The following PLCE1 variants were observed in gnomAD, a reference collection of about 807,000 sequenced individuals.
PLCE1 encodes phospholipase C epsilon 1.
A neutral mutation model predicts 242.8 loss-of-function variants in PLCE1; 119 were observed. That is an observed-to-expected ratio of 0.49 (90% CI 0.42 to 0.57). The LOEUF (loss-of-function observed/expected upper bound fraction) is 0.57, where lower values mean the gene tolerates loss of function less well. Among genes scored for constraint, PLCE1 ranks in the 20% least tolerant of loss-of-function variants. The probability of loss-of-function intolerance (pLI) is 0.00; values close to 1 mark genes in which losing one functional copy is unlikely to be tolerated. For synonymous variants in PLCE1, 945 were observed against 1,017.4 expected, an observed-to-expected ratio of 0.93 and a Z score of 1.35; for missense variants, 2,441 against 2,788.8, an observed-to-expected ratio of 0.88 and a Z score of 2.81.
chr10:94,302,186 C>T (rs190327493), intron 24 of PLCE1, among the ~76,000 whole-genome samples: 43 of 152,246 alleles, frequency 2.8e-4, no homozygotes, highest in Non-Finnish European at 1.0e-4. Flanking sequence ...AACCGTGCGG[C>T]TCTACGTGGA....
intron 2 of PLCE1, among the ~76,000 whole-genome samples, chr10:94,121,940 G>A (rs1023861853): frequency 2.6e-5 from 4 of 152,180 alleles, no homozygotes; most frequent in African/African-American, 9.7e-5. Context: ...ATTTCCAGCT[G>A]GGCAGAGAGA....
intron 24 of PLCE1, among the ~76,000 whole-genome samples, chr10:94,301,335 T>C (rs2053031054): frequency 6.6e-6 from 1 of 150,796 alleles, no homozygotes; most frequent in Non-Finnish European, 1.5e-5. Context: ...CAAAGTGAGA[T>C]ACTATCTCAA....
chr10:94,189,721 T>C (rs1209979572), intron 4 of PLCE1, among the ~76,000 whole-genome samples: 1 of 152,144 alleles, frequency 6.6e-6, no homozygotes, highest in East Asian at 1.9e-4. Context: ...ATTCAGTGAC[T>C]GTTCACATAG....
chr10:94,331,358 A>G lies in PLCE1; in HGVS notation c.*3415A>G, dbSNP rs1034585541. On this transcript the variant is annotated 3_prime_UTR_variant, in exon 33 of 33. Transcript: ENST00000371380. ...CCTTCCTTTCTTCTCTCCTCTTCCA[A>G]TATCTCTATAGACTTCTGTCCTCTG... is the stretch of plus-strand genomic sequence containing the variant. The G allele has an allele frequency of 2.0e-5, 3 of 152,154 alleles. No homozygotes were observed. Among genetic ancestry groups the G allele is most frequent in the African/African-American group, 4.8e-5 (2 of 41,416 alleles). The allele number at this position is 152,154 out of a possible 1,614,324, so 9.4% of individuals were successfully genotyped here.
At chr10:94,027,314 G>A (rs1311736187) in intron 1 of PLCE1, among the ~76,000 whole-genome samples, 1 of 152,152 alleles carries the variant, frequency 6.6e-6, no homozygotes, top group Non-Finnish European at 1.5e-5. Context: ...GGAAATCCAG[G>A]ACAAGATCCC....
intron 2 of PLCE1, among the ~76,000 whole-genome samples, chr10:94,118,992 A>G (rs1445620358): frequency 6.6e-6 from 1 of 152,186 alleles, no homozygotes; most frequent in East Asian, 1.9e-4. Flanking sequence ...GAAAGGTGAC[A>G]TTTCCTATAA....
At chr10:94,088,901 A>AT (rs1259185760) in intron 2 of PLCE1, 13 of 466,636 alleles carry the variant, frequency 2.8e-5, no homozygotes, top group Middle Eastern at 5.5e-4. Context: ...ACGCAAGGAC[A>AT]TTTTTTTGTA....
At chr10:94,049,563 G>A (rs1332607136) in intron 2 of PLCE1, among the ~76,000 whole-genome samples, 1 of 151,800 alleles carries the variant, frequency 6.6e-6, no homozygotes, top group Non-Finnish European at 1.5e-5. Context: ...ACTATTCCTG[G>A]CCCTTTAGTT....
chr10:94,309,898 C>T (rs1298228264), intron 27 of PLCE1, among the ~76,000 whole-genome samples: 1 of 152,058 alleles, frequency 6.6e-6, no homozygotes, highest in Non-Finnish European at 1.5e-5. Context: ...TAGTGTCGAG[C>T]ACCTATAGTC....
chr10:94,274,851 T>C (rs952038899), intron 19 of PLCE1, among the ~76,000 whole-genome samples: 4 of 152,130 alleles, frequency 2.6e-5, no homozygotes, highest in African/African-American at 9.7e-5. Context: ...CCTATGCTGA[T>C]GGGCCTTGTT....
chr10:94,258,287 C>G (rs184606091), intron 11 of PLCE1, among the ~76,000 whole-genome samples: 1 of 152,178 alleles, frequency 6.6e-6, no homozygotes, highest in East Asian at 1.9e-4. Flanking sequence ...AACATTTTTC[C>G]GGTTCACATT....
rs58610099 is a variant in PLCE1, at chr10:94,319,864, C to CTTTTTTTTTTTTTTTTTTT, written c.6343-2032_6343-2014dup. Among the ~76,000 whole-genome samples the CTTTTTTTTTTTTTTTTTTT allele has an allele frequency of 9.1e-4, 85 of 92,922 alleles. 7 individuals are homozygous for CTTTTTTTTTTTTTTTTTTT. The highest frequency in any genetic ancestry group is 2.5e-3 in the African/African-American group (68 of 26,754). 61.0% of individuals were successfully genotyped at this position (92,922 alleles called of 152,430 possible). ...GCTCTGAGGGAGGCTCAAAGGTGCT[C>CTTTTTTTTTTTTTTTTTTT]TTTTTTTTTTTTTTTTTTTTTTTGA... On this transcript the variant is annotated intron_variant, in intron 29 of 32. Transcript: ENST00000371380.
At chr10:94,097,739 G>A (rs952038223) in intron 2 of PLCE1, among the ~76,000 whole-genome samples, 5 of 152,168 alleles carry the variant, frequency 3.3e-5, no homozygotes, top group African/African-American at 1.2e-4. Flanking sequence ...GCACAGAAAG[G>A]AAAAATGTCA....
At chr10:94,159,250 A>G (rs761902571) in intron 3 of PLCE1, among the ~76,000 whole-genome samples, 1 of 152,086 alleles carries the variant, frequency 6.6e-6, no homozygotes, top group East Asian at 1.9e-4. Flanking sequence ...TTTTCATGTA[A>G]TGTTCAGGAC....
intron 2 of PLCE1, among the ~76,000 whole-genome samples, chr10:94,096,198 T>TA (rs961619637): frequency 5.3e-5 from 8 of 152,142 alleles, no homozygotes; most frequent in Non-Finnish European, 1.0e-4. Flanking sequence ...ATATGGAGAC[T>TA]AGGTACCTCT....
chr10:94,065,883 T>C (rs1258483890), intron 2 of PLCE1, among the ~76,000 whole-genome samples: 2 of 152,166 alleles, frequency 1.3e-5, no homozygotes, highest in Non-Finnish European at 2.9e-5. Flanking sequence ...CCAACCTCTC[T>C]GCTTGGGGAA....
intron 19 of PLCE1, among the ~76,000 whole-genome samples, chr10:94,274,844 A>G (rs1477308704): frequency 2.0e-5 from 3 of 152,114 alleles, no homozygotes; most frequent in African/African-American, 7.2e-5. Context: ...CATGGCACCT[A>G]TGCTGATGGG....
At chr10:94,223,937 A>G (rs1406752705) in intron 4 of PLCE1, among the ~76,000 whole-genome samples, 1 of 152,198 alleles carries the variant, frequency 6.6e-6, no homozygotes, top group East Asian at 1.9e-4. Context: ...TGCTTTGGTC[A>G]ACATTTTGAC....
rs985315552 is a variant in PLCE1, at chr10:94,173,307, GAC to G, written c.1809+1813_1809+1814del. 1.2e-4 allele frequency among the ~76,000 whole-genome samples: 18 copies of G among 152,270 alleles called. 1 individual carries two copies. Among genetic ancestry groups the G allele is most frequent in the African/African-American group, 4.1e-4 (17 of 41,548 alleles). On this transcript the variant is annotated intron_variant, in intron 4 of 32. Coordinates refer to ENST00000371380, the MANE Select transcript of PLCE1 (RefSeq NM_016341.4). ...CTGGTCCCACCCCCAAACTGAGTAAGACAGAATCTCTGGGAGTCCACATGAGA... is the reference window on the plus strand; with the variant it reads ...CTGGTCCCACCCCCAAACTGAGTAAGAGAATCTCTGGGAGTCCACATGAGA...
Sources: gnomAD v4.1 joint callset for allele counts (sites outside exome capture counted in the v4.1 genomes callset) on GRCh38, gnomAD v4.1.1 for gene constraint, MANE v1.5 for transcripts, NCBI Gene and HGNC (gene_info 2026-07-23, HGNC 2026-07-21) for gene names.